The following FAM114A1 variants were observed in gnomAD, a reference collection of about 807,000 sequenced individuals.
The protein encoded by FAM114A1 is family with sequence similarity 114 member A1, also known as protein NOXP20.
In FAM114A1, 62 loss-of-function variants were observed where a neutral mutation model predicts 64.3. The observed-to-expected ratio is 0.96, with a 90% CI of 0.79 to 1.19. The LOEUF (loss-of-function observed/expected upper bound fraction) is 1.19. Among genes scored for constraint, FAM114A1 ranks in the 50% most tolerant of loss-of-function variants. FAM114A1 has a pLI of 0.00. For missense variants in FAM114A1, 645 were observed against 676.3 expected (o/e 0.95, Z 0.51); for synonymous variants, 254 against 251.1 (o/e 1.01, Z -0.11).
At chr4:38,905,308 A>G (rs1717879778) in intron 4 of FAM114A1, among the ~76,000 whole-genome samples, 1 of 152,028 alleles carries the variant, frequency 6.6e-6, no homozygotes, top group Non-Finnish European at 1.5e-5. Context: ...CTGAGGCAGG[A>G]GAATCACTTG....
At chr4:38,905,477 G>A (rs751998871) in intron 4 of FAM114A1, 45 bp from the exon 5 acceptor site, 11 of 1,366,846 alleles carry the variant, frequency 8.0e-6, no homozygotes, top group Admixed American at 1.9e-5. Flanking sequence ...TTTGCAGACC[G>A]TGGATTTCTA....
intron 8 of FAM114A1, among the ~76,000 whole-genome samples, chr4:38,917,814 C>T (rs536124960): frequency 6.6e-6 from 1 of 152,294 alleles, no homozygotes; most frequent in Admixed American, 6.5e-5. Flanking sequence ...CCCATTGCCT[C>T]CACAAGCTCT....
chr4:38,916,744 A>G (rs142327461), intron 8 of FAM114A1, among the ~76,000 whole-genome samples: 4 of 152,324 alleles, frequency 2.6e-5, no homozygotes, highest in Admixed American at 2.6e-4. Context: ...CCACCATGGC[A>G]CGTGTATACC....
rs372123252 is a variant in FAM114A1 at position 38,877,837 on chromosome 4, GC to G, written c.-8-232del. On this transcript the variant is annotated intron_variant, in intron 2 of 14. Coordinates refer to ENST00000358869, the MANE Select transcript of FAM114A1 (RefSeq NM_138389.4). The stretch of plus-strand genomic sequence containing the variant: ...AAATAAGCCAGGCGTCGTGGCACAT[GC>G]CTGTAATCCCAGCTACTCGGGAGGC... Among the ~76,000 whole-genome samples, 227 of 152,130 alleles carry G rather than the reference GC, an allele frequency of 1.5e-3. 1 individual carries two copies. The highest frequency in any genetic ancestry group is 4.0e-3 in the African/African-American group (166 of 41,504).
At chr4:38,926,486 A>G (rs1720103003) in intron 9 of FAM114A1, among the ~76,000 whole-genome samples, 3 of 139,420 alleles carry the variant, frequency 2.2e-5, no homozygotes, top group African/African-American at 8.1e-5. Flanking sequence ...ATAGAGTCTC[A>G]TTCTGTTGGC....
chr4:38,870,393 CTG>C (rs1203731925), intron 2 of FAM114A1, among the ~76,000 whole-genome samples: 1 of 152,212 alleles, frequency 6.6e-6, no homozygotes, highest in East Asian at 1.9e-4. Context: ...CACTTTTTAA[CTG>C]TTTTGTGTTA....
At chr4:38,925,079 C>T (rs10031949) in intron 9 of FAM114A1, among the ~76,000 whole-genome samples, 1,687 of 152,164 alleles carry the variant, frequency 0.011, 31 homozygotes, top group African/African-American at 0.038. Context: ...TTAGTGTAGA[C>T]CTTCAGTAAA....
In FAM114A1 at chr4:38,893,887, G is replaced by A. The variant is rs144234980; in HGVS notation, c.436+2057G>A. On this transcript the variant is annotated intron_variant, in intron 4 of 14. Transcript: ENST00000358869. ...TGCTTAAAAAGTGGGATGTGGCCAG[G>A]CATGGTGGCTCACGCCTGTAATCCC... is the stretch of plus-strand genomic sequence containing the variant. 5.9e-3 allele frequency among the ~76,000 whole-genome samples: 905 copies of A among 152,234 alleles called. 10 individuals are homozygous for A. Among genetic ancestry groups the A allele is most frequent in the African/African-American group, 0.02 (828 of 41,552 alleles).
chr4:38,884,443 A>G (rs1311376881), intron 3 of FAM114A1, among the ~76,000 whole-genome samples: 4 of 152,232 alleles, frequency 2.6e-5, no homozygotes, highest in African/African-American at 9.6e-5. Flanking sequence ...AGGTGTTAAC[A>G]TATAAATAAC....
intron 10 of FAM114A1, among the ~76,000 whole-genome samples, chr4:38,929,866 A>C (rs1277710001): frequency 6.6e-6 from 1 of 152,176 alleles, no homozygotes; most frequent in Non-Finnish European, 1.5e-5. Flanking sequence ...GTGTCATGAG[A>C]TCTGCATTTT....
chr4:38,904,187 G>T (rs1189811371), intron 4 of FAM114A1, among the ~76,000 whole-genome samples: 1 of 152,140 alleles, frequency 6.6e-6, no homozygotes, highest in Non-Finnish European at 1.5e-5. Context: ...CATTTTCTCC[G>T]TGAGTGCTCG....
intron 12 of FAM114A1, among the ~76,000 whole-genome samples, chr4:38,933,211 A>G (rs1720808053): frequency 6.6e-6 from 1 of 152,208 alleles, no homozygotes; most frequent in Non-Finnish European, 1.5e-5. Context: ...TTAACTAGCC[A>G]TTCTAGGAAT....
intron 2 of FAM114A1, among the ~76,000 whole-genome samples, chr4:38,868,949 T>G (rs529673841): frequency 3.2e-4 from 48 of 152,332 alleles, no homozygotes; most frequent in African/African-American, 1.1e-3. Flanking sequence ...AGGGATGGAT[T>G]TGAGGCACAA....
At chr4:38,886,992 A>C (rs1357447368) in intron 3 of FAM114A1, among the ~76,000 whole-genome samples, 1 of 152,096 alleles carries the variant, frequency 6.6e-6, no homozygotes, top group East Asian at 1.9e-4. Context: ...AAAAGGCCGA[A>C]AAGCTAGGAG....
At chr4:38,907,863 A>G (rs1328257935) in intron 6 of FAM114A1, among the ~76,000 whole-genome samples, 1 of 152,184 alleles carries the variant, frequency 6.6e-6, no homozygotes, top group African/African-American at 2.4e-5. Flanking sequence ...ACATGTATGC[A>G]GTTCTGTTCA....
At chr4:38,898,405 A>G (rs1257208968) in intron 4 of FAM114A1, among the ~76,000 whole-genome samples, 1 of 152,218 alleles carries the variant, frequency 6.6e-6, no homozygotes, top group Non-Finnish European at 1.5e-5. Flanking sequence ...TGTTTATTAC[A>G]GAGAATGGCA....
At chr4:38,893,217 C>A (rs1716566822) in intron 4 of FAM114A1, among the ~76,000 whole-genome samples, 1 of 152,256 alleles carries the variant, frequency 6.6e-6, no homozygotes, top group South Asian at 2.1e-4. Flanking sequence ...TCAAAAGGAT[C>A]TTGCCACTGG....
At chr4:38,907,077 A>C (rs1013224945) in intron 6 of FAM114A1, among the ~76,000 whole-genome samples, 2 of 152,198 alleles carry the variant, frequency 1.3e-5, no homozygotes, top group Non-Finnish European at 2.9e-5. Flanking sequence ...GCGGTCAAAC[A>C]TGAGAGGATC....
At chr4:38,868,964 GAC>G (rs1230665141) in intron 2 of FAM114A1, among the ~76,000 whole-genome samples, 2 of 152,254 alleles carry the variant, frequency 1.3e-5, no homozygotes, top group Non-Finnish European at 2.9e-5. Flanking sequence ...GCACAAGTGA[GAC>G]AGTGCAGAAG....
Sources: gnomAD v4.1 joint callset for allele counts (sites outside exome capture counted in the v4.1 genomes callset) on GRCh38, gnomAD v4.1.1 for gene constraint, MANE v1.5 for transcripts, NCBI Gene and HGNC (gene_info 2026-07-23, HGNC 2026-07-21) for gene names.